Variants in PTPRQ observed in about 807,000 individuals in gnomAD.
PTPRQ encodes phosphatidylinositol phosphatase PTPRQ.
A neutral mutation model predicts 246.0 loss-of-function variants in PTPRQ; 199 were observed. The observed-to-expected ratio is 0.81, with a 90% CI of 0.72 to 0.91. The LOEUF (loss-of-function observed/expected upper bound fraction) is 0.91, where lower values mean the gene tolerates loss of function less well. Among genes scored for constraint, PTPRQ ranks in the 40% least tolerant of loss-of-function variants. The pLI, the probability that PTPRQ is intolerant of heterozygous loss-of-function variation, is 0.00. For synonymous variants in PTPRQ, 869 were observed against 853.2 expected (o/e 1.02, Z -0.32); for missense variants, 2,624 against 2,528.4 (o/e 1.04, Z -0.81).
At chr12:80,494,892 A>G in intron 10 of PTPRQ, 41 bp from the exon 11 acceptor site, 2 of 1,497,274 alleles carry the variant, frequency 1.3e-6, no homozygotes, top group Non-Finnish European at 1.8e-6. Context: ...TTGTGAAGCC[A>G]AACACCTTTC....
intron 9 of PTPRQ, 71 bp from the exon 10 acceptor site, chr12:80,493,204 G>A (rs1894503599): frequency 1.5e-6 from 2 of 1,342,208 alleles, no homozygotes; most frequent in Non-Finnish European, 9.6e-7. Flanking sequence ...AGGTTTTTTA[G>A]AACTAATACT....
intron 27 of PTPRQ, among the ~76,000 whole-genome samples, chr12:80,605,989 C>G (rs529596909): frequency 6.6e-6 from 1 of 150,996 alleles, no homozygotes; most frequent in South Asian, 2.1e-4. Flanking sequence ...GGAAATGTAG[C>G]AAGAGAACGA....
chr12:80,642,223 T>C (rs1288845605), intron 35 of PTPRQ, among the ~76,000 whole-genome samples: 1 of 152,176 alleles, frequency 6.6e-6, no homozygotes, highest in Non-Finnish European at 1.5e-5. Context: ...AGAGAAATGT[T>C]ATTGCCTGCC....
chr12:80,618,966 G>A (rs1489211995), intron 30 of PTPRQ, among the ~76,000 whole-genome samples: 1 of 151,498 alleles, frequency 6.6e-6, no homozygotes, highest in African/African-American at 2.4e-5. Flanking sequence ...TGTTTAGCAT[G>A]GATTAACTGT....
chr12:80,454,490 C>T, intron 3 of PTPRQ: 2 of 702,482 alleles, frequency 2.8e-6, no homozygotes, highest in East Asian at 2.7e-5. Context: ...TCTGGCTAGG[C>T]CTTCCAGTAC....
intron 8 of PTPRQ, among the ~76,000 whole-genome samples, chr12:80,477,952 GA>G (rs1893877848): frequency 6.6e-6 from 1 of 152,250 alleles, no homozygotes; most frequent in Non-Finnish European, 1.5e-5. Context: ...GAAGCTGGGT[GA>G]GGGGCGCCCG....
At chr12:80,528,271 C>A (rs1001206678) in intron 17 of PTPRQ, among the ~76,000 whole-genome samples, 20 of 151,860 alleles carry the variant, frequency 1.3e-4, no homozygotes, top group African/African-American at 4.8e-4. Context: ...TTGTATATTC[C>A]TCCAATAGCC....
At chr12:80,515,652 T>C in intron 17 of PTPRQ, among the ~76,000 whole-genome samples, 1 of 152,068 alleles carries the variant, frequency 6.6e-6, no homozygotes, top group Non-Finnish European at 1.5e-5. Flanking sequence ...CAGGCTGGTC[T>C]TGAACTCCTG....
intron 25 of PTPRQ, among the ~76,000 whole-genome samples, chr12:80,578,324 G>C (rs1897330578): frequency 6.8e-6 from 1 of 147,490 alleles, no homozygotes; most frequent in Non-Finnish European, 1.5e-5. Context: ...TGGGGTGTTT[G>C]GTTTTTAAAA....
intron 25 of PTPRQ, among the ~76,000 whole-genome samples, chr12:80,565,000 A>G (rs1896936180): frequency 6.6e-6 from 1 of 152,232 alleles, no homozygotes; most frequent in Non-Finnish European, 1.5e-5. Context: ...AAAAAAAACT[A>G]AATTTCTATG....
chr12:80,655,711 G>T (rs895847126), intron 38 of PTPRQ, among the ~76,000 whole-genome samples: 5 of 151,954 alleles, frequency 3.3e-5, no homozygotes, highest in African/African-American at 1.2e-4. Context: ...TGCTTGCAGA[G>T]AACCCATAAA....
In PTPRQ at chr12:80,464,031, A is replaced by C. The variant is rs545648739; in HGVS notation, c.910+3129A>C. On this transcript the variant is annotated intron_variant, in intron 6 of 44. Coordinates refer to ENST00000644991, the MANE Select transcript of PTPRQ (RefSeq NM_001145026.2). ...TCACACATAACAATATTAACTTTAA[A>C]TGTAAATGGACTAAATGCTCCAATT... 4.4e-3 allele frequency among the ~76,000 whole-genome samples: 666 copies of C among 152,240 alleles called. 5 individuals are homozygous for C. The highest frequency in any genetic ancestry group is 0.015 in the African/African-American group (633 of 41,538).
Position 80,670,375 on chromosome 12 carries a change from A to G in PTPRQ, c.6485A>G (p.Asn2162Ser), listed in dbSNP as rs1352220035. 6.4e-7 allele frequency: 1 copy of G among 1,550,960 alleles called. No homozygotes were observed. The highest frequency in any genetic ancestry group is 1.2e-5 in the South Asian group (1 of 84,038). The change falls in exon 42 of 45, where the codon AAC becomes AGC. Residue 2162 changes from asparagine to serine, a missense_variant. Coordinates refer to ENST00000644991, the MANE Select transcript of PTPRQ (RefSeq NM_001145026.2). The stretch of plus-strand genomic sequence containing the variant: ...GATTGCATGACTGTTCGACAGTGTA[A>G]CTTTACTGCCTGGCCAGAGCATGGG... Reference protein sequence around the residue: ...HGDCMTVRQCNFTAWPEHGVP... With the variant: ...HGDCMTVRQCSFTAWPEHGVP...
At chr12:80,650,760 T>C (rs1900229318) in intron 37 of PTPRQ, among the ~76,000 whole-genome samples, 1 of 152,054 alleles carries the variant, frequency 6.6e-6, no homozygotes, top group South Asian at 2.1e-4. Context: ...GTAATTTCCC[T>C]AGAATAAGAG....
intron 25 of PTPRQ, among the ~76,000 whole-genome samples, chr12:80,554,522 A>T (rs1258455317): frequency 6.6e-6 from 1 of 152,324 alleles, no homozygotes; most frequent in Non-Finnish European, 1.5e-5. Context: ...GAGAAAAATA[A>T]GGTACTTCCC....
At chr12:80,593,675 A>G (rs147597153) in intron 26 of PTPRQ, 4 of 152,282 alleles carry the variant, frequency 2.6e-5, no homozygotes, top group Admixed American at 6.5e-5. Context: ...TTACCTTGAA[A>G]CATTACAGTC....
chr12:80,546,601 C>G lies in PTPRQ; in HGVS notation c.3919C>G (p.Pro1307Ala). The change falls in exon 24 of 45, where the codon CCA (proline) becomes GCA (alanine). Residue 1307 changes from proline (P) to alanine (A), a missense_variant. Pro to Ala is a conservative substitution (Grantham distance 27, BLOSUM62 -1). Transcript: ENST00000644991. ...KTEAKLVGLE[P>A]VSTYSIRVSA... is the part of the protein sequence containing the mutation. ...TGAAGCCAAACTTGTTGGACTGGAA[C>G]CAGTCAGCACCTACTCTATCCGTGT... The G allele has an allele frequency of 6.5e-7, 1 of 1,549,868 alleles. No homozygotes were observed. The highest frequency in any genetic ancestry group is 8.7e-7 in the Non-Finnish European group (1 of 1,146,470).
At chr12:80,535,696 A>T (rs1220186940) in intron 19 of PTPRQ, among the ~76,000 whole-genome samples, 1 of 152,208 alleles carries the variant, frequency 6.6e-6, no homozygotes, top group African/African-American at 2.4e-5. Flanking sequence ...AAATATTTTC[A>T]ATTTTCAACA....
At chr12:80,518,856 A>G (rs1295306830) in intron 17 of PTPRQ, among the ~76,000 whole-genome samples, 1 of 152,160 alleles carries the variant, frequency 6.6e-6, no homozygotes, top group Admixed American at 6.6e-5. Flanking sequence ...TTATGCCAGT[A>G]CCATACTATT....
Sources: allele counts gnomAD v4.1 joint callset (sites outside exome capture counted in the v4.1 genomes callset), GRCh38; gene constraint gnomAD v4.1.1; transcripts MANE v1.5; gene names NCBI Gene and HGNC (gene_info 2026-07-23, HGNC 2026-07-21).